Variants in RANBP17 observed in about 807,000 individuals in gnomAD.
RANBP17 encodes RAN binding protein 17.
In RANBP17, 158 loss-of-function variants were observed where a neutral mutation model predicts 141.2. The observed-to-expected ratio is 1.12, with a 90% confidence interval of 0.98 to 1.28. The LOEUF (loss-of-function observed/expected upper bound fraction) is 1.28, where lower values mean the gene tolerates loss of function less well. Ranked by LOEUF, RANBP17 falls within the 50% of genes most tolerant of loss-of-function variation. The probability of loss-of-function intolerance (pLI) is 0.00; values close to 1 mark genes in which losing one functional copy is unlikely to be tolerated. For synonymous variants in RANBP17, 430 were observed against 450.0 expected (o/e 0.96, Z 0.56); for missense variants, 1,438 against 1,290.7 (o/e 1.11, Z -1.75).
In RANBP17 at chr5:170,913,376, CT is replaced by C. The variant is rs543837682; in HGVS notation, c.761-790del. Among the ~76,000 whole-genome samples the C allele has an allele frequency of 2.0e-5, 3 of 151,954 alleles. No individual in the cohort carries two copies. The South Asian group carries it at 6.2e-4, about 32-fold the overall frequency. On this transcript the variant is annotated intron_variant, in intron 7 of 27. Coordinates refer to ENST00000523189, the MANE Select transcript of RANBP17 (RefSeq NM_022897.5). ...AATGCAAATGATGGGTTATTTGATGCTATTGATGGTGTGGAACATGTTATGA... is the reference window on the plus strand; with the variant it reads ...AATGCAAATGATGGGTTATTTGATGCATTGATGGTGTGGAACATGTTATGA...
intron 14 of RANBP17, among the ~76,000 whole-genome samples, chr5:171,093,017 A>G (rs983576595): frequency 8.6e-5 from 13 of 151,998 alleles, no homozygotes; most frequent in Non-Finnish European, 1.9e-4. Flanking sequence ...AATTCCTGCC[A>G]CTCCAATTTT....
intron 14 of RANBP17, among the ~76,000 whole-genome samples, chr5:171,062,194 C>G (rs1330073902): frequency 1.3e-5 from 2 of 151,878 alleles, no homozygotes; most frequent in East Asian, 3.9e-4. Flanking sequence ...GAATTTGATC[C>G]TGTCATTATG....
At chr5:171,057,172 T>G (rs937861525) in intron 14 of RANBP17, among the ~76,000 whole-genome samples, 2 of 152,180 alleles carry the variant, frequency 1.3e-5, no homozygotes, top group Non-Finnish European at 2.9e-5. Context: ...TTTATTCTAA[T>G]GTTCAATTTA....
At chr5:170,874,827 A>T (rs1768049914) in intron 1 of RANBP17, among the ~76,000 whole-genome samples, 1 of 152,106 alleles carries the variant, frequency 6.6e-6, no homozygotes, top group Admixed American at 6.5e-5. Flanking sequence ...GCCCATTTAC[A>T]TTTAAAGTTA....
intron 14 of RANBP17, among the ~76,000 whole-genome samples, chr5:171,046,283 A>G (rs1782581574): frequency 6.9e-6 from 1 of 144,292 alleles, no homozygotes; most frequent in African/African-American, 2.6e-5. Context: ...ATCTCGGCTG[A>G]CTGCAACCTC....
chr5:170,930,579 G>A (rs1263176581), intron 12 of RANBP17, among the ~76,000 whole-genome samples: 3 of 151,844 alleles, frequency 2.0e-5, no homozygotes, highest in Non-Finnish European at 4.4e-5. Flanking sequence ...CTCCCCGGCA[G>A]GCCCTGATGT....
intron 14 of RANBP17, among the ~76,000 whole-genome samples, chr5:171,084,027 T>C (rs916478608): frequency 1.3e-5 from 2 of 150,784 alleles, no homozygotes; most frequent in Admixed American, 6.6e-5. Context: ...TAGTTACATA[T>C]GTATACATGT....
chr5:171,042,035 C>T (rs983867518), intron 14 of RANBP17, among the ~76,000 whole-genome samples: 1 of 152,104 alleles, frequency 6.6e-6, no homozygotes, highest in African/African-American at 2.4e-5. Flanking sequence ...AGGATAATGG[C>T]TTCCAGCTCT....
intron 1 of RANBP17, among the ~76,000 whole-genome samples, chr5:170,865,331 A>G (rs557293363): frequency 1.3e-5 from 2 of 152,126 alleles, no homozygotes; most frequent in South Asian, 2.1e-4. Context: ...CCAAAGTGCT[A>G]GGATTACAGG....
At chr5:171,160,799 G>GT (rs1047950003) in intron 14 of RANBP17, among the ~76,000 whole-genome samples, 76 of 148,602 alleles carry the variant, frequency 5.1e-4, no homozygotes, top group African/African-American at 1.0e-3. Flanking sequence ...ATTCTTTTTG[G>GT]TTTTTTTTTT....
intron 23 of RANBP17, among the ~76,000 whole-genome samples, chr5:171,241,844 T>C (rs72827598): frequency 0.12 from 18,470 of 152,208 alleles, 1,436 homozygotes; most frequent in East Asian, 0.16. Context: ...GTTAAAAATA[T>C]ACATTTCAGA....
intron 14 of RANBP17, among the ~76,000 whole-genome samples, chr5:170,997,958 GC>G (rs1778931550): frequency 6.6e-6 from 1 of 151,692 alleles, no homozygotes; most frequent in Non-Finnish European, 1.5e-5. Flanking sequence ...TTTTAAAAAT[GC>G]CCTTCTTTGG....
intron 22 of RANBP17, among the ~76,000 whole-genome samples, chr5:171,233,928 C>A (rs1764365422): frequency 2.0e-5 from 3 of 152,126 alleles, no homozygotes; most frequent in African/African-American, 7.2e-5. Flanking sequence ...CAGATTGTAA[C>A]AAATGCACCA....
chr5:170,973,053 G>A (rs567507756), intron 14 of RANBP17, among the ~76,000 whole-genome samples: 21 of 151,848 alleles, frequency 1.4e-4, no homozygotes, highest in African/African-American at 4.6e-4. Flanking sequence ...TTTTTCCTTT[G>A]GTTTATTCCT....
chr5:171,156,780 GA>G, intron 14 of RANBP17, among the ~76,000 whole-genome samples: 1 of 152,176 alleles, frequency 6.6e-6, no homozygotes, highest in East Asian at 1.9e-4. Flanking sequence ...CATTTTGTGG[GA>G]AAAAAAGTCT....
At chr5:171,088,792 G>T (rs1363625160) in intron 14 of RANBP17, among the ~76,000 whole-genome samples, 1 of 151,982 alleles carries the variant, frequency 6.6e-6, no homozygotes, top group Non-Finnish European at 1.5e-5. Flanking sequence ...CGTAGTTCTC[G>T]AGCCTTGGTT....
intron 14 of RANBP17, among the ~76,000 whole-genome samples, chr5:171,126,028 C>T (rs543852797): frequency 8.2e-4 from 125 of 152,186 alleles, no homozygotes; most frequent in Non-Finnish European, 9.4e-4. Flanking sequence ...CCTCGTGATC[C>T]GCCCGCCTTG....
intron 14 of RANBP17, among the ~76,000 whole-genome samples, chr5:171,100,089 GT>G (rs1187170268): frequency 6.6e-6 from 1 of 152,172 alleles, no homozygotes; most frequent in East Asian, 1.9e-4. Flanking sequence ...TCTCTGCCAG[GT>G]TTTGGTATCA....
chr5:171,203,348 GATA>G (rs1217562558), intron 19 of RANBP17, among the ~76,000 whole-genome samples: 2 of 152,078 alleles, frequency 1.3e-5, no homozygotes, highest in Non-Finnish European at 2.9e-5. Flanking sequence ...ATGGGGGCTG[GATA>G]TGTTTTGGCT....
Sources: gnomAD v4.1 joint callset for allele counts (sites outside exome capture counted in the v4.1 genomes callset) on GRCh38, gnomAD v4.1.1 for gene constraint, MANE v1.5 for transcripts, NCBI Gene and HGNC (gene_info 2026-07-23, HGNC 2026-07-21) for gene names.